SPINK5: variants seen among roughly 807,000 people sequenced by gnomAD.
The protein encoded by SPINK5 is serine protease inhibitor Kazal-type 5.
A neutral mutation model predicts 151.8 loss-of-function variants in SPINK5; 125 were observed. The ratio of observed to expected loss-of-function variants is 0.82; its 90% CI spans 0.71 to 0.96. SPINK5 has a LOEUF of 0.96. SPINK5 is among the 40% of genes least tolerant of loss of function. SPINK5 has a pLI of 0.00. For synonymous variants in SPINK5, 374 were observed against 395.3 expected (o/e 0.95, Z 0.64); for missense variants, 1,194 against 1,291.9 (o/e 0.92, Z 1.16).
intron 2 of SPINK5, among the ~76,000 whole-genome samples, chr5:148,067,512 T>G (rs1406235781): frequency 6.6e-6 from 1 of 152,188 alleles, no homozygotes; most frequent in Non-Finnish European, 1.5e-5. Context: ...TATTCCATTT[T>G]GCTCAGAGAA....
At chr5:148,097,608 A>G (rs1463559263) in intron 10 of SPINK5, among the ~76,000 whole-genome samples, 1 of 151,996 alleles carries the variant, frequency 6.6e-6, no homozygotes, top group Non-Finnish European at 1.5e-5. Flanking sequence ...TATTGCAATT[A>G]CTTATCTTTT....
intron 32 of SPINK5, among the ~76,000 whole-genome samples, chr5:148,136,246 G>A (rs981414228): frequency 6.6e-6 from 1 of 152,112 alleles, no homozygotes; most frequent in African/African-American, 2.4e-5. Context: ...ATTATTTTGT[G>A]AGATAAATGA....
intron 1 of SPINK5, among the ~76,000 whole-genome samples, chr5:148,064,442 T>A (rs1337501653): frequency 6.6e-6 from 1 of 152,170 alleles, no homozygotes; most frequent in Non-Finnish European, 1.5e-5. Flanking sequence ...TAATAGACAT[T>A]TAAAACTTAA....
rs377089918 is a variant in SPINK5 at position 148,114,268 on chromosome 5, C to CTT, written c.1888-93_1888-92insTT. The CTT allele has an allele frequency of 0.037, 47,242 of 1,279,468 alleles. 185 individuals carry two copies. The highest frequency in any genetic ancestry group is 0.045 in the South Asian group (3,297 of 72,778). 79.3% of individuals were successfully genotyped at this position (1,279,468 alleles called of 1,614,324 possible). A position where few individuals can be genotyped will look rare whatever the true frequency, so the allele number is the denominator to read the frequency against. On this transcript the variant is annotated intron_variant, in intron 20 of 32. Transcript: ENST00000256084. Reference sequence around the variant, plus strand: ...AAAAAATTCTCAGGTCATTTTCTCTCTCTTTTTTTTTTTTCTATAAAGCAC... The same window carrying CTT: ...AAAAAATTCTCAGGTCATTTTCTCTCTTTCTTTTTTTTTTTTCTATAAAGCAC...
chr5:148,077,620 T>C (rs1181400742), intron 4 of SPINK5, among the ~76,000 whole-genome samples: 1 of 133,956 alleles, frequency 7.5e-6, no homozygotes, highest in Non-Finnish European at 1.6e-5. Context: ...GCAACAATTA[T>C]AATGCTGTTT....
chr5:148,085,299 CTAAG>C (rs1753123827), intron 4 of SPINK5, among the ~76,000 whole-genome samples: 1 of 151,776 alleles, frequency 6.6e-6, no homozygotes, highest in South Asian at 2.1e-4. Context: ...GGTCTACATT[CTAAG>C]TGTTTCATAT....
chr5:148,090,934 G>A (rs1418709079), intron 7 of SPINK5: 7 of 545,526 alleles, frequency 1.3e-5, no homozygotes, highest in Non-Finnish European at 3.3e-6. Context: ...AGGCAAGAAA[G>A]CTAATTTACA....
chr5:148,137,048 A>T lies in SPINK5; in HGVS notation c.*57A>T. 6.3e-7 allele frequency: 1 copy of T among 1,598,806 alleles called. No individual in the cohort carries two copies. The highest frequency in any genetic ancestry group is 8.6e-7 in the Non-Finnish European group (1 of 1,166,514). On this transcript the variant is annotated 3_prime_UTR_variant, in exon 33 of 33. Coordinates refer to ENST00000256084, the MANE Select transcript of SPINK5 (RefSeq NM_006846.4). Reference sequence around the variant, plus strand: ...AATAAACCCCAGTTCTGAATCACCTACCTTCACCATCTGTATATACAAAGA... The same window carrying T: ...AATAAACCCCAGTTCTGAATCACCTTCCTTCACCATCTGTATATACAAAGA...
intron 2 of SPINK5, among the ~76,000 whole-genome samples, chr5:148,069,535 A>G (rs1446927676): frequency 6.6e-6 from 1 of 152,104 alleles, no homozygotes; most frequent in Non-Finnish European, 1.5e-5. Flanking sequence ...TTTCCTCAGT[A>G]CTTCCATAGA....
chr5:148,119,025 C>T lies in SPINK5; in HGVS notation c.2280C>T (p.Ser760=). The change falls in exon 24 of 33, where the codon TCC becomes TCT. Residue 760 remains serine (S), a synonymous_variant. Coordinates refer to ENST00000256084, the MANE Select transcript of SPINK5 (RefSeq NM_006846.4). ...EAERKNEYSR[S]RSNGTGSESG... is the part of the protein sequence containing the mutation. ...AGAGAAAAAATGAGTATTCTCGCTC[C>T]AGATCAAATGGGACTGGATCAGAAT... is the stretch of plus-strand genomic sequence containing the variant. 6.2e-7 allele frequency: 1 copy of T among 1,614,028 alleles called. No homozygotes were observed. Among genetic ancestry groups the T allele is most frequent in the Non-Finnish European group, 8.5e-7 (1 of 1,179,968 alleles).
intron 13 of SPINK5, among the ~76,000 whole-genome samples, chr5:148,100,991 A>G (rs1753627184): frequency 1.3e-5 from 2 of 152,258 alleles, no homozygotes; most frequent in South Asian, 4.1e-4. Context: ...CAAGGATGAT[A>G]TCAGTACAGA....
intron 3 of SPINK5, among the ~76,000 whole-genome samples, chr5:148,070,849 A>G (rs1374104066): frequency 1.3e-5 from 2 of 152,098 alleles, no homozygotes; most frequent in South Asian, 2.1e-4. Context: ...TGGCTTAAGC[A>G]TAATGCCAGA....
chr5:148,099,961 C>G (rs1176522356), intron 12 of SPINK5, among the ~76,000 whole-genome samples: 4 of 152,088 alleles, frequency 2.6e-5, no homozygotes, highest in Non-Finnish European at 1.5e-5. Context: ...ATCCTTATCT[C>G]CATTCAGAAA....
intron 30 of SPINK5, 27 bp from the exon 31 acceptor site, chr5:148,131,232 C>T (rs370000191): frequency 6.2e-6 from 10 of 1,612,760 alleles, no homozygotes; most frequent in Admixed American, 1.7e-5. Context: ...CCATAAAGTA[C>T]GTCTGCTTTA....
rs766754092 is a variant in SPINK5 at position 148,126,984 on chromosome 5, CT to C, written c.2870del (p.Leu957GlnfsTer46). ...NKCYMCRAVF[L>X]TEALERAKLQ... Reference sequence around the variant, plus strand: ...ATTATTTTTTATTTTCTTCTCTAGTCTAACAGAAGCTTTGGAAAGGGCAAAG... The same window carrying C: ...ATTATTTTTTATTTTCTTCTCTAGTCAACAGAAGCTTTGGAAAGGGCAAAG... On this transcript the variant is annotated frameshift_variant and splice_region_variant, in exon 30 of 33. Transcript: ENST00000256084. LOFTEE classifies it high-confidence loss of function. 8.1e-6 allele frequency: 13 copies of C among 1,609,862 alleles called. No homozygotes were observed. The East Asian group carries it at 2.7e-4, about 33-fold the overall frequency.
intron 21 of SPINK5, 69 bp downstream of exon 21, chr5:148,114,558 T>C: frequency 6.2e-7 from 1 of 1,601,700 alleles, no homozygotes; most frequent in Middle Eastern, 1.7e-4. Flanking sequence ...AGGCAAATAA[T>C]ATGTATTGTG....
At chr5:148,109,793 A>T (rs1348087040) in intron 18 of SPINK5, among the ~76,000 whole-genome samples, 1 of 152,162 alleles carries the variant, frequency 6.6e-6, no homozygotes, top group African/African-American at 2.4e-5. Context: ...TAATTATTTA[A>T]AACCATAAGG....
At position 148,101,835 on chromosome 5, in the gene SPINK5, A is replaced by C; in HGVS notation, c.1357A>C (p.Arg453=). 6.2e-7 allele frequency: 1 copy of C among 1,613,870 alleles called. No individual in the cohort carries two copies. Among genetic ancestry groups the C allele is most frequent in the Non-Finnish European group, 8.5e-7 (1 of 1,179,826 alleles). ...SRKNGRLFCT[R]ENDPIQGPDG... is the part of the protein sequence containing the mutation. ...GAAAAACGGACGGCTTTTTTGCACC[A>C]GAGAGAATGACCCCATCCAGGGCCC... The change falls in exon 15 of 33, where the codon AGA becomes CGA. Residue 453 remains arginine (R), a synonymous_variant. Coordinates refer to ENST00000256084, the MANE Select transcript of SPINK5 (RefSeq NM_006846.4).
chr5:148,088,482 T>C (rs752159491), intron 5 of SPINK5, 60 bp from the exon 6 acceptor site: 41 of 1,478,690 alleles, frequency 2.8e-5, no homozygotes, highest in Non-Finnish European at 3.9e-5. Flanking sequence ...AGCAGTTAGG[T>C]TTGAATGGTG....
Sources: gnomAD v4.1 joint callset for allele counts (sites outside exome capture counted in the v4.1 genomes callset) on GRCh38, gnomAD v4.1.1 for gene constraint, MANE v1.5 for transcripts, NCBI Gene and HGNC (gene_info 2026-07-23, HGNC 2026-07-21) for gene names.